ZNF280D: variants seen among roughly 807,000 people sequenced by gnomAD.
ZNF280D encodes suppressor of hairy wing homolog 4.
A neutral mutation model predicts 94.7 loss-of-function variants in ZNF280D; 39 were observed. The ratio of observed to expected loss-of-function variants is 0.41; its 90% CI spans 0.32 to 0.54. The LOEUF is 0.54. Among genes scored for constraint, ZNF280D ranks in the 20% least tolerant of loss-of-function variants. The pLI is 0.22. For synonymous variants in ZNF280D, 398 were observed against 377.6 expected, an observed-to-expected ratio of 1.05 and a Z score of -0.63; for missense variants, 1,090 against 1,149.3, an observed-to-expected ratio of 0.95 and a Z score of 0.75.
intron 10 of ZNF280D, 133 bp from the exon 11 acceptor site, chr15:56,678,954 T>G (rs2055432552): frequency 2.6e-6 from 2 of 769,560 alleles, no homozygotes; most frequent in Admixed American, 7.6e-5. Flanking sequence ...TAAAGTTGCC[T>G]AGGAAAGTAT....
chr15:56,688,972 T>C (rs1447780354), intron 9 of ZNF280D, 69 bp downstream of exon 9: 2 of 946,456 alleles, frequency 2.1e-6, no homozygotes, highest in East Asian at 5.1e-5. Flanking sequence ...AAACCATTAA[T>C]TACTGTAATC....
At position 56,712,866 on chromosome 15, in the gene ZNF280D, G is replaced by A. The variant is rs545009270; in HGVS notation, c.-85-5560C>T. On this transcript the variant is annotated intron_variant, in intron 1 of 21. Transcript: ENST00000267807. ...AGTGATTCTCCTGCCTCAGCCTCCC[G>A]AGTAGCTGGGATTATAGGTGCGCAC... Among the ~76,000 whole-genome samples the A allele has an allele frequency of 1.1e-3, 163 of 150,224 alleles. 4 individuals carry two copies. Among genetic ancestry groups the A allele is most frequent in the Middle Eastern group, 3.4e-3 (1 of 290 alleles).
chr15:56,640,883 T>C (rs1240507782), intron 20 of ZNF280D, among the ~76,000 whole-genome samples: 1 of 152,156 alleles, frequency 6.6e-6, no homozygotes, highest in Non-Finnish European at 1.5e-5. Context: ...AACTATTTCA[T>C]ATAGAATTTC....
intron 6 of ZNF280D, among the ~76,000 whole-genome samples, chr15:56,694,027 G>A (rs1223977949): frequency 1.3e-5 from 2 of 151,998 alleles, no homozygotes; most frequent in African/African-American, 4.8e-5. Flanking sequence ...GGGAATAATT[G>A]GGGCCAGCTG....
chr15:56,641,428 TTA>T (rs796116059), intron 20 of ZNF280D, among the ~76,000 whole-genome samples: 20 of 152,142 alleles, frequency 1.3e-4, no homozygotes, highest in African/African-American at 4.6e-4. Context: ...TCATTTGATA[TTA>T]TATCTTTTAA....
At chr15:56,637,741 G>A (rs1214215917) in intron 20 of ZNF280D, among the ~76,000 whole-genome samples, 1 of 151,874 alleles carries the variant, frequency 6.6e-6, no homozygotes, top group African/African-American at 2.4e-5. Context: ...TAAAAATGGT[G>A]GCAAATTAAT....
chr15:56,631,773 C>T lies in ZNF280D; in HGVS notation c.2665G>A (p.Asp889Asn), dbSNP rs1346398055. The T allele has an allele frequency of 6.2e-7, 1 of 1,614,054 alleles. No homozygotes were observed. The highest frequency in any genetic ancestry group is 8.5e-7 in the Non-Finnish European group (1 of 1,180,026). ...KNIKDLRLAS[D>N]NVSIDQFLRK... is the part of the protein sequence containing the mutation. The stretch of plus-strand genomic sequence containing the variant: ...AAAAACTGATCAATGCTTACATTAT[C>T]TGATGCTAATCGCAAATCCTTAATA... The change falls in exon 22 of 22, where the codon GAT (aspartate) becomes AAT (asparagine). Residue 889 changes from aspartate to asparagine, a missense_variant. This residue lies in a region of ZNF280D where 577 missense variants were observed against 568.8 expected (regional missense o/e 1.01). Coordinates refer to ENST00000267807, the MANE Select transcript of ZNF280D (RefSeq NM_017661.4).
At chr15:56,642,922 C>G (rs749873697) in intron 20 of ZNF280D, 30 bp downstream of exon 20, 1 of 1,455,018 alleles carries the variant, frequency 6.9e-7, no homozygotes, top group Non-Finnish European at 9.1e-7. Flanking sequence ...ATGTATAAAC[C>G]TTTAAGGTAT....
intron 1 of ZNF280D, chr15:56,733,139 G>A (rs1361976947): frequency 6.5e-6 from 1 of 153,136 alleles, no homozygotes; most frequent in African/African-American, 2.4e-5. Context: ...ACCAGGCTGG[G>A]GACAAACAGG....
intron 4 of ZNF280D, among the ~76,000 whole-genome samples, chr15:56,701,532 T>A (rs1269277700): frequency 2.6e-5 from 4 of 152,082 alleles, no homozygotes; most frequent in Non-Finnish European, 4.4e-5. Context: ...GTCAAAACAT[T>A]GTGCTTGCAA....
chr15:56,702,402 CT>C (rs1459865832), intron 4 of ZNF280D, among the ~76,000 whole-genome samples: 7 of 152,054 alleles, frequency 4.6e-5, no homozygotes, highest in African/African-American at 1.7e-4. Context: ...TATTTTATGG[CT>C]TACAAATAAA....
Position 56,682,309 on chromosome 15 carries a change from T to A in ZNF280D, c.949A>T (p.Thr317Ser). The A allele has an allele frequency of 6.3e-7, 1 of 1,591,664 alleles. No homozygotes were observed. The highest frequency in any genetic ancestry group is 1.2e-5 in the South Asian group (1 of 85,982). Residue 317 changes from threonine to serine, a missense_variant, in exon 10 of 22, where the codon ACT becomes TCT. Physicochemically the swap from Thr to Ser is moderately conservative, Grantham distance 58. Coordinates refer to ENST00000267807, the MANE Select transcript of ZNF280D (RefSeq NM_017661.4). ...HEGDVQEEQK[T>S]HTTFKCFSCL... ...CTGAAGCATTTAAAGGTTGTGTGAG[T>A]CTTCTGTTCCTCCTGGACATCTCCT...
chr15:56,704,185 C>G lies in ZNF280D; in HGVS notation c.111G>C (p.Glu37Asp). ...EPWQKKVKEV[E>D]DDDDDEPIFV... ...AGATTGGCTCATCATCATCGTCATC[C>G]TCAACTTCTTTTACTTTCTTCTGCC... Residue 37 changes from glutamate (E) to aspartate (D), a missense_variant, in exon 4 of 22, where the codon GAG becomes GAC. Transcript: ENST00000267807. 1 of 1,613,662 alleles carries G rather than the reference C, an allele frequency of 6.2e-7. No individual in the cohort carries two copies. Among genetic ancestry groups the G allele is most frequent in the Non-Finnish European group, 8.5e-7 (1 of 1,179,832 alleles).
intron 21 of ZNF280D, among the ~76,000 whole-genome samples, chr15:56,632,461 AAAT>A (rs2052126290): frequency 6.6e-6 from 1 of 151,738 alleles, no homozygotes; most frequent in African/African-American, 2.4e-5. Context: ...TAAAATAAAA[AAAT>A]ATATTTGGAA....
Position 56,682,375 on chromosome 15 carries a change from A to G in ZNF280D, c.883T>C (p.Leu295=), listed in dbSNP as rs2055677523. The change falls in exon 10 of 22, where the codon TTG becomes CTG. Residue 295 remains leucine, a synonymous_variant. Coordinates refer to ENST00000267807, the MANE Select transcript of ZNF280D (RefSeq NM_017661.4). Reference sequence around the variant, plus strand: ...TAAAAGTCATTAACTAACATGATCAATTTTCCTTTCTCTGAATCAATAGTT... The same window carrying G: ...TAAAAGTCATTAACTAACATGATCAGTTTTCCTTTCTCTGAATCAATAGTT... ...NTTIDSEKGK[L]IMLVNDFYYG... 1 of 1,594,378 alleles carries G rather than the reference A, an allele frequency of 6.3e-7. No homozygotes were observed. Among genetic ancestry groups the G allele is most frequent in the Non-Finnish European group, 8.5e-7 (1 of 1,175,018 alleles).
In ZNF280D at chr15:56,707,281, C is replaced by G. The variant is rs1238933726; in HGVS notation, c.-60G>C. The stretch of plus-strand genomic sequence containing the variant: ...AACTCACCATGTGACTCCAGACAAG[C>G]CAGCAAGTTATTTCTGTTTTCCTTC... On this transcript the variant is annotated 5_prime_UTR_variant, in exon 2 of 22. Transcript: ENST00000267807. 6.5e-7 allele frequency: 1 copy of G among 1,536,138 alleles called. No individual in the cohort carries two copies. The highest frequency in any genetic ancestry group is 8.7e-7 in the Non-Finnish European group (1 of 1,144,706).
At chr15:56,651,742 G>A (rs768275044) in intron 19 of ZNF280D, among the ~76,000 whole-genome samples, 1 of 151,658 alleles carries the variant, frequency 6.6e-6, no homozygotes, top group Non-Finnish European at 1.5e-5. Context: ...ATATTGTATT[G>A]TTTTTTATTT....
chr15:56,631,582 A>C lies in ZNF280D; in HGVS notation c.2856T>G (p.Asp952Glu). ...TTCCTCCAGGAATGTCATCTGTTTG[A>C]TCAGACACTACTTCATCAGTCTTGG... ...PSAKTDEVVS[D>E]QTDDIPGGNN... The change falls in exon 22 of 22, where the codon GAT (aspartate) becomes GAG (glutamate). Residue 952 changes from aspartate (D) to glutamate (E), a missense_variant. Transcript: ENST00000267807. 4 of 1,614,070 alleles carry C rather than the reference A, an allele frequency of 2.5e-6. No individual in the cohort carries two copies. Among genetic ancestry groups the C allele is most frequent in the Non-Finnish European group, 3.4e-6 (4 of 1,179,986 alleles).
At chr15:56,697,713 ATATC>A (rs1172541048) in intron 6 of ZNF280D, 1 of 152,214 alleles carries the variant, frequency 6.6e-6, no homozygotes, top group Non-Finnish European at 1.5e-5. Flanking sequence ...CACATTGGTT[ATATC>A]TATCAATATT....
Sources: allele counts gnomAD v4.1 joint callset (sites outside exome capture counted in the v4.1 genomes callset), GRCh38; gene constraint gnomAD v4.1.1; regional missense constraint gnomAD v4.1.1; transcripts MANE v1.5; gene names NCBI Gene and HGNC (gene_info 2026-07-23, HGNC 2026-07-21).